The following CDH9 variants were observed in gnomAD, a reference collection of about 807,000 sequenced individuals.
The protein encoded by CDH9 is cadherin-9.
In CDH9, 28 loss-of-function variants were observed where a neutral mutation model predicts 70.9. The ratio of observed to expected loss-of-function variants is 0.40; its 90% confidence interval spans 0.29 to 0.54. CDH9 has a LOEUF of 0.54. Ranked by LOEUF, CDH9 falls within the 20% of genes least tolerant of loss-of-function variation. The pLI, the probability that CDH9 is intolerant of heterozygous loss-of-function variation, is 0.59. For synonymous variants in CDH9, 409 were observed against 343.1 expected (o/e 1.19, Z -2.12); for missense variants, 874 against 984.4 (o/e 0.89, Z 1.50).
At chr5:26,996,964 C>T (rs1056873251) in intron 1 of CDH9, among the ~76,000 whole-genome samples, 1 of 151,954 alleles carries the variant, frequency 6.6e-6, no homozygotes, top group African/African-American at 2.4e-5. Context: ...CAATGGCTAT[C>T]ACCATCAAAT....
intron 2 of CDH9, among the ~76,000 whole-genome samples, chr5:26,922,998 C>T (rs1241030275): frequency 6.9e-6 from 1 of 145,548 alleles, no homozygotes; most frequent in Non-Finnish European, 1.5e-5. Flanking sequence ...TAAATTCCTA[C>T]TTCTCAATAA....
chr5:26,956,936 A>C (rs1741956039), intron 2 of CDH9, among the ~76,000 whole-genome samples: 1 of 151,474 alleles, frequency 6.6e-6, no homozygotes. Flanking sequence ...TGTCTGGGTC[A>C]TGGTTGTACT....
At chr5:26,983,009 T>C (rs1254377931) in intron 2 of CDH9, among the ~76,000 whole-genome samples, 1 of 152,096 alleles carries the variant, frequency 6.6e-6, no homozygotes, top group African/African-American at 2.4e-5. Flanking sequence ...TAAGAGATGA[T>C]CTCATAGTTT....
At chr5:26,965,548 C>A (rs527853132) in intron 2 of CDH9, among the ~76,000 whole-genome samples, 1 of 150,284 alleles carries the variant, frequency 6.7e-6, no homozygotes, top group African/African-American at 2.5e-5. Context: ...TGGAATCCAG[C>A]GTGCATGACA....
At chr5:26,985,863 T>C (rs770756011) in intron 2 of CDH9, among the ~76,000 whole-genome samples, 2 of 152,144 alleles carry the variant, frequency 1.3e-5, no homozygotes, top group African/African-American at 4.8e-5. Flanking sequence ...AGAACTCATA[T>C]GTTTGACTAA....
chr5:26,947,257 C>T (rs1422676718), intron 2 of CDH9, among the ~76,000 whole-genome samples: 1 of 151,944 alleles, frequency 6.6e-6, no homozygotes, highest in Non-Finnish European at 1.5e-5. Context: ...ACACAAATTC[C>T]CTTTTAAACA....
At chr5:27,022,784 T>C (rs1051350791) in intron 1 of CDH9, among the ~76,000 whole-genome samples, 1 of 152,048 alleles carries the variant, frequency 6.6e-6, no homozygotes, top group African/African-American at 2.4e-5. Context: ...TTAGGCAATA[T>C]GGAAGTCAAT....
chr5:26,941,788 C>T (rs1042996769), intron 2 of CDH9, among the ~76,000 whole-genome samples: 3 of 152,160 alleles, frequency 2.0e-5, no homozygotes, highest in Non-Finnish European at 4.4e-5. Flanking sequence ...TTTTCTCTTG[C>T]TTATAACGGT....
chr5:26,888,973 A>G (rs1234993655), intron 9 of CDH9, among the ~76,000 whole-genome samples: 1 of 152,114 alleles, frequency 6.6e-6, no homozygotes, highest in Non-Finnish European at 1.5e-5. Flanking sequence ...TTGAAACACC[A>G]TCTCCAAATA....
intron 1 of CDH9, among the ~76,000 whole-genome samples, chr5:27,007,504 G>A (rs997134854): frequency 1.3e-5 from 2 of 151,984 alleles, no homozygotes; most frequent in African/African-American, 4.8e-5. Flanking sequence ...TTATTCAAGA[G>A]TTTATTATGA....
chr5:26,968,003 G>A (rs927381639), intron 2 of CDH9, among the ~76,000 whole-genome samples: 1 of 151,938 alleles, frequency 6.6e-6, no homozygotes, highest in African/African-American at 2.4e-5. Flanking sequence ...ATGAGCCACT[G>A]TATGTACCTA....
At chr5:26,931,008 T>A (rs868159493) in intron 2 of CDH9, among the ~76,000 whole-genome samples, 1 of 152,182 alleles carries the variant, frequency 6.6e-6, no homozygotes, top group African/African-American at 2.4e-5. Context: ...CCTACTTCTA[T>A]GCAATGTATT....
chr5:26,891,071 A>G (rs1289687716), intron 7 of CDH9, among the ~76,000 whole-genome samples: 1 of 152,066 alleles, frequency 6.6e-6, no homozygotes, highest in African/African-American at 2.4e-5. Context: ...GTCTTTCTCT[A>G]CTCTATCCCT....
At chr5:26,910,673 A>C (rs75399540) in intron 3 of CDH9, among the ~76,000 whole-genome samples, 17,072 of 152,224 alleles carry the variant, frequency 0.11, 1,623 homozygotes, top group East Asian at 0.48. Context: ...CCTGCCCTGT[A>C]GCCTAAGGCC....
chr5:26,919,259 G>C (rs2112009578), intron 2 of CDH9, among the ~76,000 whole-genome samples: 1 of 152,234 alleles, frequency 6.6e-6, no homozygotes, highest in East Asian at 1.9e-4. Flanking sequence ...CTATGTGCTG[G>C]AGCAGGTGAA....
intron 1 of CDH9, among the ~76,000 whole-genome samples, chr5:27,004,888 TTACA>T (rs1742833462): frequency 6.6e-6 from 1 of 152,030 alleles, no homozygotes. Context: ...TATCAGTATA[TTACA>T]TAGTTATTAA....
chr5:26,983,290 G>C (rs928436785), intron 2 of CDH9, among the ~76,000 whole-genome samples: 1 of 152,050 alleles, frequency 6.6e-6, no homozygotes, highest in Non-Finnish European at 1.5e-5. Flanking sequence ...GAATACTAAC[G>C]GACAATTTGA....
chr5:26,916,184 T>A (rs180719236), intron 2 of CDH9, among the ~76,000 whole-genome samples: 1 of 152,102 alleles, frequency 6.6e-6, no homozygotes, highest in East Asian at 1.9e-4. Flanking sequence ...AAAACAAAGA[T>A]ATTTATGAAT....
At chr5:26,966,537 T>C (rs533749167) in intron 2 of CDH9, among the ~76,000 whole-genome samples, 1 of 152,312 alleles carries the variant, frequency 6.6e-6, no homozygotes, top group East Asian at 1.9e-4. Flanking sequence ...TCCTTTTTAC[T>C]TTTCCTACAA....
Sources: gnomAD v4.1 joint callset for allele counts (sites outside exome capture counted in the v4.1 genomes callset) on GRCh38, gnomAD v4.1.1 for gene constraint, MANE v1.5 for transcripts, NCBI Gene and HGNC (gene_info 2026-07-23, HGNC 2026-07-21) for gene names.